Variants in GRIK4 observed in about 807,000 individuals in gnomAD.
GRIK4 encodes the protein glutamate receptor ionotropic, kainate 4.
A neutral mutation model predicts 104.9 loss-of-function variants in GRIK4; 40 were observed. That is an observed-to-expected ratio of 0.38 (90% CI 0.30 to 0.50). GRIK4 has a LOEUF of 0.50. Ranked by LOEUF, GRIK4 falls within the 20% of genes least tolerant of loss-of-function variation. The pLI is 0.93. For synonymous variants in GRIK4, 485 were observed against 524.9 expected, an observed-to-expected ratio of 0.92 and a Z score of 1.04; for missense variants, 1,047 against 1,308.1, an observed-to-expected ratio of 0.80 and a Z score of 3.08.
chr11:120,630,157 C>T (rs933366956), intron 1 of GRIK4, among the ~76,000 whole-genome samples: 4 of 152,230 alleles, frequency 2.6e-5, no homozygotes, highest in African/African-American at 7.2e-5. Context: ...CTGCAGGCTA[C>T]AGAGTCATCC....
rs908216331 is a variant in GRIK4, at chr11:120,597,125, A to G, written c.-158-56560A>G. On this transcript the variant is annotated intron_variant, in intron 1 of 20. Coordinates refer to ENST00000527524, the MANE Select transcript of GRIK4 (RefSeq NM_014619.5). ...TGGCTTAGTCAACGGCTGCTCCCAG[A>G]GCTGGGAACATGACAGCTTCATGCC... is the stretch of plus-strand genomic sequence containing the variant. Among the ~76,000 whole-genome samples the G allele has an allele frequency of 2.0e-5, 3 of 152,164 alleles. No individual in the cohort carries two copies. In the East Asian group the frequency reaches 5.8e-4, roughly 29 times the overall value.
intron 1 of GRIK4, among the ~76,000 whole-genome samples, chr11:120,579,420 C>A (rs182098323): frequency 6.6e-6 from 1 of 151,940 alleles, no homozygotes; most frequent in South Asian, 2.1e-4. Context: ...TGAGTGTCTT[C>A]GAGAGAATGG....
intron 3 of GRIK4, among the ~76,000 whole-genome samples, chr11:120,787,395 A>T (rs968363097): frequency 6.6e-6 from 1 of 151,890 alleles, no homozygotes; most frequent in South Asian, 2.1e-4. Context: ...ATTGAAATTA[A>T]TTTTTTAATT....
intron 3 of GRIK4, among the ~76,000 whole-genome samples, chr11:120,741,336 C>T (rs1250092866): frequency 6.4e-5 from 9 of 139,866 alleles, no homozygotes; most frequent in Admixed American, 2.3e-4. Context: ...TGGAGTGCAG[C>T]GGTGCGACCT....
rs1383040316 is a variant in GRIK4 at position 120,939,814 on chromosome 11, T to C, written c.1477-533T>C. 1.3e-5 allele frequency among the ~76,000 whole-genome samples: 2 copies of C among 152,056 alleles called. No individual in the cohort carries two copies. Among genetic ancestry groups the C allele is most frequent in the African/African-American group, 4.8e-5 (2 of 41,400 alleles). ...GGCCAGCATGGTGAAGCCCTGTGTCTACTAAAATTACAAAAATAAGCCAGG... is the reference window on the plus strand; with the variant it reads ...GGCCAGCATGGTGAAGCCCTGTGTCCACTAAAATTACAAAAATAAGCCAGG... On this transcript the variant is annotated intron_variant, in intron 13 of 20. Transcript: ENST00000527524. The surrounding 1 kb of genome is among the most constrained non-coding windows in gnomAD (Gnocchi z 5.6).
Position 120,623,418 on chromosome 11 carries a change from C to G in GRIK4, c.-158-30267C>G, listed in dbSNP as rs1044399188. Among the ~76,000 whole-genome samples, 3 of 152,146 alleles carry G rather than the reference C, an allele frequency of 2.0e-5. No homozygotes were observed. In the East Asian group the frequency reaches 5.8e-4, roughly 29 times the overall value. ...AAAGTACTGGGATTACAGGTGTGAA[C>G]CACCGCACCCGGCCCCCTGTACTCT... On this transcript the variant is annotated intron_variant, in intron 1 of 20. Coordinates refer to ENST00000527524, the MANE Select transcript of GRIK4 (RefSeq NM_014619.5).
intron 3 of GRIK4, among the ~76,000 whole-genome samples, chr11:120,798,515 C>T (rs531152589): frequency 6.6e-6 from 1 of 152,016 alleles, no homozygotes; most frequent in Admixed American, 6.6e-5. Flanking sequence ...CTCACTCTGT[C>T]GACCAGGCTG....
chr11:120,556,497 C>A (rs1322692699), intron 1 of GRIK4, among the ~76,000 whole-genome samples: 1 of 152,156 alleles, frequency 6.6e-6, no homozygotes, highest in African/African-American at 2.4e-5. Context: ...GCCCTCCACC[C>A]CTGACCCCAG....
chr11:120,742,911 A>G (rs978372731), intron 3 of GRIK4, among the ~76,000 whole-genome samples: 9 of 152,216 alleles, frequency 5.9e-5, no homozygotes, highest in Non-Finnish European at 1.3e-4. Context: ...TGGTACATAT[A>G]CACCATGGAA....
At chr11:120,805,863 TGGA>T (rs1459807235) in intron 4 of GRIK4, among the ~76,000 whole-genome samples, 1 of 152,066 alleles carries the variant, frequency 6.6e-6, no homozygotes, top group Non-Finnish European at 1.5e-5. Flanking sequence ...GATCTCTGGG[TGGA>T]GGAGAGCCCA....
At chr11:120,789,134 A>C (rs779263215) in intron 3 of GRIK4, among the ~76,000 whole-genome samples, 1 of 151,802 alleles carries the variant, frequency 6.6e-6, no homozygotes, top group Non-Finnish European at 1.5e-5. Flanking sequence ...TGTCATTATC[A>C]CCCTGACCCT....
chr11:120,807,564 C>T (rs964784608), intron 4 of GRIK4, among the ~76,000 whole-genome samples: 9 of 152,136 alleles, frequency 5.9e-5, no homozygotes, highest in Non-Finnish European at 1.3e-4. Flanking sequence ...ACAGGCTCCA[C>T]GAGCATGACC....
chr11:120,927,738 G>A (rs1165440379), intron 13 of GRIK4, among the ~76,000 whole-genome samples: 1 of 152,116 alleles, frequency 6.6e-6, no homozygotes, highest in South Asian at 2.1e-4. Context: ...TATTAATTTA[G>A]TGTTGCTGTT....
At chr11:120,840,522 G>A (rs191332749) in intron 8 of GRIK4, among the ~76,000 whole-genome samples, 13 of 152,260 alleles carry the variant, frequency 8.5e-5, no homozygotes, top group East Asian at 3.9e-4. Flanking sequence ...GGTCCAAATC[G>A]TGAGAACTTG....
intron 4 of GRIK4, among the ~76,000 whole-genome samples, chr11:120,814,451 T>C (rs1309241231): frequency 1.3e-5 from 2 of 152,012 alleles, no homozygotes; most frequent in Admixed American, 6.6e-5. Flanking sequence ...AATACAAAAA[T>C]TAGCCAGGCG....
chr11:120,557,065 CCTGA>C (rs1174470928), intron 1 of GRIK4, among the ~76,000 whole-genome samples: 1 of 152,180 alleles, frequency 6.6e-6, no homozygotes, highest in Non-Finnish European at 1.5e-5. Context: ...GCAAACCTGG[CCTGA>C]CTGAGGCTTC....
At position 120,967,188 on chromosome 11, in the gene GRIK4, C is replaced by T; in HGVS notation, c.2267-7C>T. The T allele has an allele frequency of 1.2e-6, 2 of 1,611,548 alleles. No individual in the cohort carries two copies. Among genetic ancestry groups the T allele is most frequent in the East Asian group, 4.5e-5 (2 of 44,790 alleles). ...CTGTGTCCTGGGCTCTCCCGTAACC[C>T]CCGCAGGCTCGGTTTTCCGGGACGA... is the stretch of plus-strand genomic sequence containing the variant. On this transcript the variant is annotated splice_region_variant and splice_polypyrimidine_tract_variant and intron_variant, in intron 18 of 20. Transcript: ENST00000527524. The surrounding 1 kb of genome is among the most constrained non-coding windows in gnomAD (Gnocchi z 4.2).
At position 120,923,656 on chromosome 11, in the gene GRIK4, G is replaced by A. The variant is rs371540395; in HGVS notation, c.1477-16691G>A. On this transcript the variant is annotated intron_variant, in intron 13 of 20. Coordinates refer to ENST00000527524, the MANE Select transcript of GRIK4 (RefSeq NM_014619.5). ...TCTCGATCTCCTGACCTCGTGATCC[G>A]CCCGGCTCGGCCTCCCAAAGTGCTG... Among the ~76,000 whole-genome samples, 5 of 151,968 alleles carry A rather than the reference G, an allele frequency of 3.3e-5. No individual in the cohort carries two copies. In the East Asian group the frequency reaches 5.8e-4, roughly 18 times the overall value.
Position 120,941,579 on chromosome 11 carries a change from T to G in GRIK4, c.1590+1119T>G, listed in dbSNP as rs537606111. Among the ~76,000 whole-genome samples the G allele has an allele frequency of 7.2e-5, 11 of 152,298 alleles. No individual in the cohort carries two copies. In the South Asian group the frequency reaches 2.3e-3, roughly 32 times the overall value. ...GGAAGTAGGGTCTTTGCAGATGTAC[T>G]CAAGTGAAGGTGCAGCCATGCTAGA... is the stretch of plus-strand genomic sequence containing the variant. On this transcript the variant is annotated intron_variant, in intron 14 of 20. Coordinates refer to ENST00000527524, the MANE Select transcript of GRIK4 (RefSeq NM_014619.5).
Sources: allele counts gnomAD v4.1 joint callset (sites outside exome capture counted in the v4.1 genomes callset), GRCh38; gene constraint gnomAD v4.1.1; non-coding constraint Gnocchi (gnomAD v3.1); transcripts MANE v1.5; gene names NCBI Gene and HGNC (gene_info 2026-07-23, HGNC 2026-07-21).